The following RIMS4 variants were observed in gnomAD, a reference collection of about 807,000 sequenced individuals.
RIMS4 encodes the protein regulating synaptic membrane exocytosis protein 4.
Under a neutral mutation model 29.0 loss-of-function variants are expected in RIMS4, and 9 were observed. The observed-to-expected ratio is 0.31, with a 90% CI of 0.19 to 0.54. RIMS4 has a LOEUF of 0.54. Among genes scored for constraint, RIMS4 ranks in the 20% least tolerant of loss-of-function variants. The pLI is 0.94. For synonymous variants in RIMS4, 130 were observed against 152.9 expected (o/e 0.85, Z 1.10); for missense variants, 193 against 365.7 (o/e 0.53, Z 3.85).
At chr20:44,784,093 G>A (rs1568902159) in intron 1 of RIMS4, among the ~76,000 whole-genome samples, 1 of 152,176 alleles carries the variant, frequency 6.6e-6, no homozygotes, top group Non-Finnish European at 1.5e-5. Flanking sequence ...CCACAGGCAG[G>A]GAGGCTCCCC....
chr20:44,791,946 GTAAA>G (rs1195351789), intron 1 of RIMS4, among the ~76,000 whole-genome samples: 3 of 151,924 alleles, frequency 2.0e-5, no homozygotes, highest in African/African-American at 7.3e-5. Context: ...CCACTGAGAC[GTAAA>G]TAAACCCCAG....
Position 44,771,405 on chromosome 20 carries a change from G to A in RIMS4, c.106C>T (p.Arg36Trp), listed in dbSNP as rs2066136897. 6.2e-7 allele frequency: 1 copy of A among 1,611,680 alleles called. No homozygotes were observed. Residue 36 changes from arginine (R) to tryptophan (W), a missense_variant, in exon 2 of 6, where the codon CGG (arginine) becomes TGG (tryptophan). Coordinates refer to ENST00000372851, the MANE Select transcript of RIMS4 (RefSeq NM_182970.4). ...CTCTGGATGGCCCCCTTCAGCCTCC[G>A]GCTGTCCCCTTCTGGGCAAAGCGGC... ...SFDDEDAGDS[R>W]RLKGAIQRST...
At chr20:44,760,643 T>C (rs1227820236) in intron 2 of RIMS4, among the ~76,000 whole-genome samples, 1 of 152,202 alleles carries the variant, frequency 6.6e-6, no homozygotes, top group East Asian at 1.9e-4. Flanking sequence ...ACACGAGCCC[T>C]CACTGACATT....
intron 1 of RIMS4, among the ~76,000 whole-genome samples, chr20:44,796,935 G>C (rs1335967595): frequency 6.6e-6 from 1 of 152,194 alleles, no homozygotes; most frequent in African/African-American, 2.4e-5. Context: ...CTCTGAGCTG[G>C]AGTGAGCAAT....
At chr20:44,798,879 G>T (rs1388459753) in intron 1 of RIMS4, among the ~76,000 whole-genome samples, 2 of 152,230 alleles carry the variant, frequency 1.3e-5, no homozygotes, top group African/African-American at 4.8e-5. Flanking sequence ...CTCCCACAGA[G>T]CACTTGCACA....
Position 44,755,960 on chromosome 20 carries a change from A to C in RIMS4, c.*174T>G. On this transcript the variant is annotated 3_prime_UTR_variant, in exon 6 of 6. Transcript: ENST00000372851. ...TTGGGAGAGGGGAGGTCTCGGGGGT[A>C]GGAGGCAAAGAAGGGGTGAGGAGGG... 1 of 573,106 alleles carries C rather than the reference A, an allele frequency of 1.7e-6. No homozygotes were observed. The highest frequency in any genetic ancestry group is 2.9e-5 in the East Asian group (1 of 35,058). The allele number at this position is 573,106 out of a possible 1,614,324, so 35.5% of individuals were successfully genotyped here.
Position 44,755,954 on chromosome 20 carries a change from G to A in RIMS4, c.*180C>T, listed in dbSNP as rs561440528. The A allele has an allele frequency of 8.1e-5, 47 of 579,392 alleles. No homozygotes were observed. Among genetic ancestry groups the A allele is most frequent in the South Asian group, 5.3e-4 (23 of 43,152 alleles). 35.9% of individuals were successfully genotyped at this position (579,392 alleles called of 1,614,324 possible). On this transcript the variant is annotated 3_prime_UTR_variant, in exon 6 of 6. Coordinates refer to ENST00000372851, the MANE Select transcript of RIMS4 (RefSeq NM_182970.4). ...ATCCCGTTGGGAGAGGGGAGGTCTCGGGGGTAGGAGGCAAAGAAGGGGTGA... is the reference window on the plus strand; with the variant it reads ...ATCCCGTTGGGAGAGGGGAGGTCTCAGGGGTAGGAGGCAAAGAAGGGGTGA...
At chr20:44,798,326 C>T (rs550056739) in intron 1 of RIMS4, among the ~76,000 whole-genome samples, 6 of 152,320 alleles carry the variant, frequency 3.9e-5, no homozygotes, top group Admixed American at 3.9e-4. Context: ...GTTTGAAGTC[C>T]TGTTCTGCCC....
At chr20:44,761,697 G>A (rs756100689) in intron 2 of RIMS4, among the ~76,000 whole-genome samples, 19 of 152,322 alleles carry the variant, frequency 1.2e-4, no homozygotes, top group Middle Eastern at 3.4e-3. Flanking sequence ...GCCTGGGATG[G>A]CCTGCCAAAT....
At chr20:44,791,217 G>A (rs1446934912) in intron 1 of RIMS4, among the ~76,000 whole-genome samples, 1 of 152,244 alleles carries the variant, frequency 6.6e-6, no homozygotes, top group Non-Finnish European at 1.5e-5. Flanking sequence ...AATAGCCCTA[G>A]TGGTGAAGCA....
At chr20:44,759,718 G>A (rs2066076101) in intron 2 of RIMS4, among the ~76,000 whole-genome samples, 1 of 152,218 alleles carries the variant, frequency 6.6e-6, no homozygotes, top group Non-Finnish European at 1.5e-5. Context: ...AAATAAAAAA[G>A]AGAATCCTGG....
At chr20:44,767,883 C>T (rs933314338) in intron 2 of RIMS4, among the ~76,000 whole-genome samples, 6 of 152,218 alleles carry the variant, frequency 3.9e-5, no homozygotes, top group Non-Finnish European at 7.3e-5. Flanking sequence ...CCTTAATGTG[C>T]ATACAAACCA....
intron 1 of RIMS4, among the ~76,000 whole-genome samples, chr20:44,781,309 C>G (rs1019550477): frequency 4.6e-5 from 7 of 152,052 alleles, no homozygotes; most frequent in African/African-American, 1.7e-4. Flanking sequence ...ATAATTACAA[C>G]GTAGCATAAT....
At chr20:44,760,810 C>T (rs2066081410) in intron 2 of RIMS4, among the ~76,000 whole-genome samples, 1 of 152,160 alleles carries the variant, frequency 6.6e-6, no homozygotes, top group Non-Finnish European at 1.5e-5. Context: ...CCTTCAGGTG[C>T]TTAGATTCTA....
intron 2 of RIMS4, among the ~76,000 whole-genome samples, chr20:44,767,216 G>A (rs1243805481): frequency 1.3e-5 from 2 of 152,318 alleles, no homozygotes; most frequent in South Asian, 2.1e-4. Flanking sequence ...TAGAACACAC[G>A]TCAATAGGGA....
Position 44,810,522 on chromosome 20 carries a change from C to CGGCGGCGGCGGCGGT in RIMS4, c.-252_-251insACCGCCGCCGCCGCC, listed in dbSNP as rs1411407147. On this transcript the variant is annotated 5_prime_UTR_variant, in exon 1 of 6. Coordinates refer to ENST00000372851, the MANE Select transcript of RIMS4 (RefSeq NM_182970.4). The stretch of plus-strand genomic sequence containing the variant: ...GCGGCGGCGGCGGCGGCGGTGGCGG[C>CGGCGGCGGCGGCGGT]GGCGGTGGCGGCGCAGCGCGCTCTG... Among the ~76,000 whole-genome samples the CGGCGGCGGCGGCGGT allele has an allele frequency of 1.7e-4, 24 of 143,578 alleles. No individual in the cohort carries two copies. The highest frequency in any genetic ancestry group is 4.2e-4 in the African/African-American group (17 of 40,172). 94.2% of individuals were successfully genotyped at this position (143,578 alleles called of 152,430 possible).
At chr20:44,797,632 T>C (rs78768838) in intron 1 of RIMS4, among the ~76,000 whole-genome samples, 65 of 152,336 alleles carry the variant, frequency 4.3e-4, no homozygotes, top group African/African-American at 1.5e-3. Context: ...TACTTGTACT[T>C]GATTCCTTGT....
chr20:44,757,697 C>G lies in RIMS4; in HGVS notation c.424G>C (p.Ala142Pro). 4 of 1,614,118 alleles carry G rather than the reference C, an allele frequency of 2.5e-6. No homozygotes were observed. Among genetic ancestry groups the G allele is most frequent in the Non-Finnish European group, 3.4e-6 (4 of 1,179,972 alleles). Residue 142 changes from alanine to proline, a missense_variant, in exon 4 of 6, where the codon GCC becomes CCC. By Grantham distance (27) the Ala-to-Pro change is conservative. Coordinates refer to ENST00000372851, the MANE Select transcript of RIMS4 (RefSeq NM_182970.4). ...GGCAGTGTCTTGGAGCCTGGCTTGG[C>G]TGTCAGTCCCCGAGCCTGGATAATG... ...VDIIQARGLT[A>P]KPGSKTLPAA...
In RIMS4 at chr20:44,805,900, G is replaced by A. The variant is rs115430824; in HGVS notation, c.97+4275C>T. The stretch of plus-strand genomic sequence containing the variant: ...ATGGGTATCGCCGCCTCATCACCCA[G>A]AAGTACTCAGACCACCCCCTACATT... On this transcript the variant is annotated intron_variant, in intron 1 of 5. Coordinates refer to ENST00000372851, the MANE Select transcript of RIMS4 (RefSeq NM_182970.4). Among the ~76,000 whole-genome samples, 476 of 152,256 alleles carry A rather than the reference G, an allele frequency of 3.1e-3. 3 individuals carry two copies. Among genetic ancestry groups the A allele is most frequent in the African/African-American group, 0.011 (462 of 41,546 alleles).
Sources: allele counts gnomAD v4.1 joint callset (sites outside exome capture counted in the v4.1 genomes callset), GRCh38; gene constraint gnomAD v4.1.1; transcripts MANE v1.5; gene names NCBI Gene and HGNC (gene_info 2026-07-23, HGNC 2026-07-21).